Variants in SRI observed in about 807,000 individuals in gnomAD.
The protein encoded by SRI is sorcin, also known as 22 kDa protein.
SRI carries 30 observed loss-of-function variants against 33.3 expected under a neutral mutation model. That is an observed-to-expected ratio of 0.90 (90% confidence interval 0.67 to 1.22). The LOEUF is 1.22. Among genes scored for constraint, SRI ranks in the 50% most tolerant of loss-of-function variants. SRI has a pLI of 0.00. For synonymous variants in SRI, 75 were observed against 89.9 expected (o/e 0.83, Z 0.94); for missense variants, 243 against 250.8 (o/e 0.97, Z 0.21).
intron 3 of SRI, among the ~76,000 whole-genome samples, chr7:88,212,482 G>T (rs1215681135): frequency 6.6e-6 from 1 of 152,096 alleles, no homozygotes; most frequent in Non-Finnish European, 1.5e-5. Flanking sequence ...CTGATACCTG[G>T]GCTGCACCAT....
chr7:88,206,370 A>G lies in SRI; in HGVS notation c.*108T>C, dbSNP rs12074. 12,726 of 1,276,308 alleles carry G rather than the reference A, an allele frequency of 1.0e-2. 976 individuals are homozygous for G. The African/African-American group carries it at 0.16, about 16-fold the overall frequency. The allele number at this position is 1,276,308 out of a possible 1,614,324, so 79.1% of individuals were successfully genotyped here. A position where few individuals can be genotyped will look rare whatever the true frequency, so the allele number is the denominator to read the frequency against. The stretch of plus-strand genomic sequence containing the variant: ...AGTAATAAACTTTACAACAGCTGTT[A>G]AGAGAAAGTCGTGATGTAAGTTTAT... On this transcript the variant is annotated 3_prime_UTR_variant, in exon 8 of 8. Transcript: ENST00000265729.
At chr7:88,215,233 T>C (rs1225770150) in intron 3 of SRI, among the ~76,000 whole-genome samples, 1 of 152,236 alleles carries the variant, frequency 6.6e-6, no homozygotes, top group Non-Finnish European at 1.5e-5. Context: ...GCAAATGGAT[T>C]CAATCACATA....
intron 3 of SRI, among the ~76,000 whole-genome samples, chr7:88,216,917 G>T (rs965257247): frequency 6.6e-6 from 1 of 152,146 alleles, no homozygotes; most frequent in African/African-American, 2.4e-5. Flanking sequence ...GGGATTACAG[G>T]TGTGAGCCAC....
At chr7:88,226,585 T>G (rs980426965) in intron 1 of SRI, among the ~76,000 whole-genome samples, 19 of 152,308 alleles carry the variant, frequency 1.2e-4, no homozygotes, top group Middle Eastern at 6.8e-3. Context: ...CCTAGGTGCC[T>G]AGGTACAGTA....
chr7:88,217,266 G>T, intron 2 of SRI, 75 bp from the exon 3 acceptor site: 3 of 1,195,504 alleles, frequency 2.5e-6, no homozygotes, highest in Non-Finnish European at 1.2e-6. Flanking sequence ...ATTCAATGAA[G>T]CAATAACAAC....
chr7:88,225,130 C>T (rs1373971138), intron 1 of SRI, among the ~76,000 whole-genome samples: 3 of 152,142 alleles, frequency 2.0e-5, no homozygotes, highest in Non-Finnish European at 2.9e-5. Context: ...CTGTGACAAA[C>T]GTTCCCATGT....
At chr7:88,216,430 G>C (rs1851716392) in intron 3 of SRI, among the ~76,000 whole-genome samples, 1 of 152,120 alleles carries the variant, frequency 6.6e-6, no homozygotes, top group Non-Finnish European at 1.5e-5. Context: ...CTATGAAGTG[G>C]AAGAGGAAAG....
chr7:88,224,438 C>T (rs1851953947), upstream of SRI, among the ~76,000 whole-genome samples: 1 of 152,216 alleles, frequency 6.6e-6, no homozygotes, highest in African/African-American at 2.4e-5. Flanking sequence ...TGAGCAATGA[C>T]ATTTGCCAAT....
upstream of SRI, among the ~76,000 whole-genome samples, chr7:88,222,335 C>G (rs1851906477): frequency 6.8e-6 from 1 of 146,140 alleles, no homozygotes; most frequent in African/African-American, 2.6e-5. Flanking sequence ...TTCTCCACAT[C>G]CTCTCCAGCA....
intron 2 of SRI, among the ~76,000 whole-genome samples, 177 bp from the exon 3 acceptor site, chr7:88,217,368 C>T (rs915255902): frequency 1.3e-5 from 2 of 152,118 alleles, no homozygotes; most frequent in African/African-American, 4.8e-5. Flanking sequence ...TTTTCCTTAA[C>T]CCACTTCCAA....
At chr7:88,218,473 G>A (rs1851787613) in intron 2 of SRI, among the ~76,000 whole-genome samples, 1 of 152,190 alleles carries the variant, frequency 6.6e-6, no homozygotes, top group Admixed American at 6.5e-5. Context: ...TCCTAAGGGG[G>A]TGAATGATTA....
intron 3 of SRI, among the ~76,000 whole-genome samples, chr7:88,213,907 A>G (rs1851643190): frequency 6.6e-6 from 1 of 152,234 alleles, no homozygotes; most frequent in Admixed American, 6.5e-5. Context: ...AAAATTTTCC[A>G]TATTCATTAA....
chr7:88,212,567 A>C (rs1199318781), intron 3 of SRI, among the ~76,000 whole-genome samples: 7 of 152,208 alleles, frequency 4.6e-5, no homozygotes, highest in African/African-American at 1.7e-4. Flanking sequence ...AGATGATTCT[A>C]GTGAGCAGCC....
chr7:88,223,515 T>C (rs998728849), upstream of SRI, among the ~76,000 whole-genome samples: 4 of 152,186 alleles, frequency 2.6e-5, no homozygotes, highest in Admixed American at 2.6e-4. Context: ...GTAGACTATG[T>C]AGTCATAGTG....
At chr7:88,222,361 C>G (rs1231290665), upstream of SRI, among the ~76,000 whole-genome samples, 1 of 145,534 alleles carries the variant, frequency 6.9e-6, no homozygotes, top group Non-Finnish European at 1.5e-5. Context: ...TGTTTCCTGA[C>G]TTTTTAATGA....
At chr7:88,220,068 G>T (rs1461910400), upstream of SRI, 1 of 1,498,574 alleles carries the variant, frequency 6.7e-7, no homozygotes, top group Non-Finnish European at 8.8e-7. Flanking sequence ...TGTGCGCCAG[G>T]CCTCTCCGCC....
intron 7 of SRI, among the ~76,000 whole-genome samples, chr7:88,206,724 A>C (rs2115731830): frequency 6.6e-6 from 1 of 152,320 alleles, no homozygotes; most frequent in South Asian, 2.1e-4. Flanking sequence ...CTTCTTAGAG[A>C]AAGCAGATAT....
chr7:88,212,433 C>G (rs970482935), intron 3 of SRI, among the ~76,000 whole-genome samples: 1 of 152,186 alleles, frequency 6.6e-6, no homozygotes, highest in Non-Finnish European at 1.5e-5. Flanking sequence ...CTGTAGTTCT[C>G]CACACTTGTG....
At chr7:88,218,227 T>C (rs560509611) in intron 2 of SRI, among the ~76,000 whole-genome samples, 6 of 152,252 alleles carry the variant, frequency 3.9e-5, no homozygotes, top group African/African-American at 1.4e-4. Flanking sequence ...CCTGTCAATG[T>C]AAGATAGCAC....
Sources: allele counts gnomAD v4.1 joint callset (sites outside exome capture counted in the v4.1 genomes callset), GRCh38; gene constraint gnomAD v4.1.1; transcripts MANE v1.5; gene names NCBI Gene and HGNC (gene_info 2026-07-23, HGNC 2026-07-21).